Variants in MEMO1 observed in about 807,000 individuals in gnomAD.
The protein encoded by MEMO1 is protein MEMO1.
MEMO1 carries 6 observed loss-of-function variants against 45.2 expected under a neutral mutation model. The ratio of observed to expected loss-of-function variants is 0.13; its 90% CI spans 0.07 to 0.26. The LOEUF (loss-of-function observed/expected upper bound fraction) is 0.26, where lower values mean the gene tolerates loss of function less well. MEMO1 is among the 10% of genes least tolerant of loss of function. The pLI is 1.00. For synonymous variants in MEMO1, 78 were observed against 124.3 expected (o/e 0.63, Z 2.48); for missense variants, 184 against 370.5 (o/e 0.50, Z 4.13).
intron 2 of MEMO1, chr2:31,963,331 T>C: frequency 5.0e-6 from 7 of 1,391,304 alleles, no homozygotes; most frequent in Non-Finnish European, 6.6e-6. Flanking sequence ...AATATAGTTA[T>C]AAAGGTGTAG....
intron 6 of MEMO1, among the ~76,000 whole-genome samples, chr2:31,916,240 T>G (rs904544681): frequency 6.6e-6 from 1 of 152,176 alleles, no homozygotes; most frequent in African/African-American, 2.4e-5. Context: ...GGTTTGTTTG[T>G]TTGTTTGAGA....
chr2:31,965,735 C>A lies in MEMO1; in HGVS notation c.62-22352G>T, dbSNP rs569803078. On this transcript the variant is annotated intron_variant, in intron 2 of 9. Transcript: ENST00000404530. ...TAATGCAAGAACAGAAAACCAAACA[C>A]TGCATGTTCTCACTTATAAGTAGGA... 3.3e-5 allele frequency among the ~76,000 whole-genome samples: 5 copies of A among 152,268 alleles called. No homozygotes were observed. The East Asian group carries it at 7.7e-4, about 24-fold the overall frequency.
chr2:31,956,145 A>G lies in MEMO1; in HGVS notation c.62-12762T>C, dbSNP rs182328559. Among the ~76,000 whole-genome samples the G allele has an allele frequency of 9.7e-3, 1,482 of 152,300 alleles. 26 individuals carry two copies. Among genetic ancestry groups the G allele is most frequent in the South Asian group, 0.049 (235 of 4,824 alleles). Reference sequence around the variant, plus strand: ...GAAATGATTATTTCCTTCCAAATTCAGCTAGCATATTTCTTTTTTCTTCAT... The same window carrying G: ...GAAATGATTATTTCCTTCCAAATTCGGCTAGCATATTTCTTTTTTCTTCAT... On this transcript the variant is annotated intron_variant, in intron 2 of 9. Transcript: ENST00000404530.
At chr2:31,940,323 T>C (rs1011635953) in intron 3 of MEMO1, among the ~76,000 whole-genome samples, 1 of 152,176 alleles carries the variant, frequency 6.6e-6, no homozygotes, top group Non-Finnish European at 1.5e-5. Flanking sequence ...TCCAGATTCA[T>C]ATAGCCAGCT....
chr2:31,948,401 A>T (rs1027661936), intron 2 of MEMO1, among the ~76,000 whole-genome samples: 1 of 152,238 alleles, frequency 6.6e-6, no homozygotes, highest in East Asian at 1.9e-4. Context: ...ATGGTTGGGT[A>T]TAAGGTAACA....
chr2:31,942,221 A>G (rs1165625788), intron 3 of MEMO1, among the ~76,000 whole-genome samples: 2 of 152,208 alleles, frequency 1.3e-5, no homozygotes, highest in Non-Finnish European at 2.9e-5. Flanking sequence ...CAAAATAATC[A>G]GATTTTCTCA....
At chr2:31,933,288 C>G (rs1227322714) in intron 3 of MEMO1, among the ~76,000 whole-genome samples, 1 of 121,302 alleles carries the variant, frequency 8.2e-6, no homozygotes, top group Non-Finnish European at 1.6e-5. Flanking sequence ...ACACACCAGC[C>G]TGGATGACAG....
intron 2 of MEMO1, among the ~76,000 whole-genome samples, chr2:31,988,580 G>C (rs1049146255): frequency 3.2e-4 from 48 of 152,124 alleles, no homozygotes; most frequent in Admixed American, 3.1e-3. Flanking sequence ...AGTAACATTG[G>C]ATAAAACTGC....
At chr2:31,943,175 G>A (rs1022211519) in intron 3 of MEMO1, 127 bp downstream of exon 3, 1 of 718,146 alleles carries the variant, frequency 1.4e-6, no homozygotes, top group Admixed American at 2.2e-5. Context: ...TGAGGCAGGA[G>A]AGTCGCTTGA....
chr2:31,992,202 A>C (rs2148550838), intron 2 of MEMO1, among the ~76,000 whole-genome samples: 1 of 152,364 alleles, frequency 6.6e-6, no homozygotes, highest in Non-Finnish European at 1.5e-5. Flanking sequence ...AGGGCTGAGG[A>C]AACAATTGGG....
chr2:31,908,365 G>T (rs561289635), intron 6 of MEMO1, among the ~76,000 whole-genome samples: 1 of 151,440 alleles, frequency 6.6e-6, no homozygotes, highest in East Asian at 1.9e-4. Flanking sequence ...TATGGTGAGA[G>T]TAAAAAAAAC....
intron 6 of MEMO1, chr2:31,893,391 C>A: frequency 1.9e-6 from 2 of 1,071,806 alleles, no homozygotes; most frequent in South Asian, 2.5e-5. Context: ...CTAACTGTTA[C>A]CAGTTTGCTA....
chr2:31,926,135 G>A (rs999514611), intron 4 of MEMO1, among the ~76,000 whole-genome samples: 1 of 152,124 alleles, frequency 6.6e-6, no homozygotes, highest in South Asian at 2.1e-4. Context: ...GGGAGGCTGA[G>A]GTGGGAGGAC....
intron 8 of MEMO1, 121 bp downstream of exon 8, chr2:31,883,265 A>G (rs1675683511): frequency 1.4e-5 from 10 of 719,928 alleles, no homozygotes; most frequent in Non-Finnish European, 2.3e-5. Context: ...GACACATTGC[A>G]TTTTGTACAT....
At chr2:31,875,483 A>T (rs999796484) in intron 8 of MEMO1, among the ~76,000 whole-genome samples, 7 of 152,130 alleles carry the variant, frequency 4.6e-5, no homozygotes, top group African/African-American at 9.7e-5. Context: ...GAGACCTCCC[A>T]AACTTACATC....
chr2:31,918,512 T>C (rs939044827), intron 5 of MEMO1, among the ~76,000 whole-genome samples: 1 of 152,136 alleles, frequency 6.6e-6, no homozygotes, highest in African/African-American at 2.4e-5. Flanking sequence ...GTTTTGTTTT[T>C]TAATAAAATG....
chr2:31,968,930 T>C (rs373778012), intron 2 of MEMO1, among the ~76,000 whole-genome samples: 1 of 152,194 alleles, frequency 6.6e-6, no homozygotes, highest in East Asian at 1.9e-4. Flanking sequence ...TATAATAAAA[T>C]TGTTAATTTT....
chr2:31,937,590 T>A (rs1383829343), intron 3 of MEMO1, among the ~76,000 whole-genome samples: 7 of 152,216 alleles, frequency 4.6e-5, no homozygotes, highest in Non-Finnish European at 1.0e-4. Flanking sequence ...TTACATTTTT[T>A]AAACTAATTT....
chr2:31,978,715 T>C (rs1034386982), intron 2 of MEMO1, among the ~76,000 whole-genome samples: 18 of 152,210 alleles, frequency 1.2e-4, no homozygotes, highest in Non-Finnish European at 1.9e-4. Flanking sequence ...CCACCGTGCC[T>C]GGCCTAAAAT....
Sources: gnomAD v4.1 joint callset for allele counts (sites outside exome capture counted in the v4.1 genomes callset) on GRCh38, gnomAD v4.1.1 for gene constraint, MANE v1.5 for transcripts, NCBI Gene and HGNC (gene_info 2026-07-23, HGNC 2026-07-21) for gene names.